The following EDIL3 variants were observed in gnomAD, a reference collection of about 807,000 sequenced individuals.
The protein encoded by EDIL3 is EGF-like repeat and discoidin I-like domain-containing protein 3.
A neutral mutation model predicts 67.4 loss-of-function variants in EDIL3; 37 were observed. That is an observed-to-expected ratio of 0.55 (90% CI 0.42 to 0.72). The LOEUF is 0.72. Ranked by LOEUF, EDIL3 falls within the 30% of genes least tolerant of loss-of-function variation. The probability of loss-of-function intolerance (pLI) is 0.00; values close to 1 mark genes in which losing one functional copy is unlikely to be tolerated. For synonymous variants in EDIL3, 195 were observed against 196.3 expected, an observed-to-expected ratio of 0.99 and a Z score of 0.05; for missense variants, 527 against 586.3, an observed-to-expected ratio of 0.90 and a Z score of 1.04.
chr5:84,290,817 T>C (rs1745899445), intron 1 of EDIL3, among the ~76,000 whole-genome samples: 1 of 152,148 alleles, frequency 6.6e-6, no homozygotes, highest in Non-Finnish European at 1.5e-5. Flanking sequence ...TTTTCTCCTA[T>C]TAATCTGCCT....
chr5:84,013,586 C>A (rs193181816), intron 9 of EDIL3, among the ~76,000 whole-genome samples: 3 of 152,202 alleles, frequency 2.0e-5, no homozygotes, highest in Admixed American at 6.5e-5. Flanking sequence ...TGTATTCATT[C>A]ATTCTATTGT....
intron 1 of EDIL3, among the ~76,000 whole-genome samples, chr5:84,346,135 CTTTTTTTT>C (rs912729041): frequency 2.4e-5 from 3 of 122,898 alleles, no homozygotes; most frequent in East Asian, 2.3e-4. Context: ...CTTTTTTTTT[CTTTTTTTT>C]TTTTTTTTTT....
chr5:84,058,333 AT>A (rs1432583717), intron 9 of EDIL3, among the ~76,000 whole-genome samples: 1 of 149,662 alleles, frequency 6.7e-6, no homozygotes, highest in Non-Finnish European at 1.5e-5. Context: ...AGAGAATCAT[AT>A]TTACCTTTTA....
At chr5:84,115,418 A>G (rs949337326) in intron 5 of EDIL3, among the ~76,000 whole-genome samples, 6 of 152,210 alleles carry the variant, frequency 3.9e-5, no homozygotes, top group Admixed American at 2.0e-4. Context: ...AAGCTAAACT[A>G]TAATAAAAAT....
intron 6 of EDIL3, among the ~76,000 whole-genome samples, chr5:84,079,763 AG>A (rs1005650005): frequency 2.0e-5 from 3 of 152,154 alleles, no homozygotes; most frequent in African/African-American, 7.2e-5. Flanking sequence ...ATGTCACTTA[AG>A]GGATTTAAAA....
chr5:84,213,117 G>A (rs1744161724), intron 3 of EDIL3, among the ~76,000 whole-genome samples: 1 of 151,574 alleles, frequency 6.6e-6, no homozygotes, highest in South Asian at 2.1e-4. Context: ...ACTTGCTTGA[G>A]CATTCTGGCT....
At chr5:83,950,693 GGCATAAACCTAATAA>G (rs1333867876) in intron 10 of EDIL3, among the ~76,000 whole-genome samples, 1 of 151,478 alleles carries the variant, frequency 6.6e-6, no homozygotes, top group Non-Finnish European at 1.5e-5. Context: ...TATTCTCATG[GGCATAAACCTAATAA>G]GCATATCAAA....
intron 5 of EDIL3, among the ~76,000 whole-genome samples, chr5:84,109,927 C>A (rs1747530046): frequency 6.6e-6 from 1 of 152,188 alleles, no homozygotes; most frequent in Admixed American, 6.5e-5. Flanking sequence ...GTGAAGAAGA[C>A]AAGATAATGA....
chr5:84,383,403 A>C (rs532741323), intron 1 of EDIL3, among the ~76,000 whole-genome samples: 10 of 151,992 alleles, frequency 6.6e-5, no homozygotes, highest in Middle Eastern at 3.4e-3. Context: ...CGCCTAAACT[A>C]CTCCAGCAGG....
At chr5:83,965,481 G>A (rs928459746) in intron 9 of EDIL3, among the ~76,000 whole-genome samples, 21 of 152,018 alleles carry the variant, frequency 1.4e-4, no homozygotes, top group African/African-American at 5.1e-4. Flanking sequence ...TTAAAGAACA[G>A]AGTTGGTGTT....
chr5:84,114,953 C>T (rs979169982), intron 5 of EDIL3, among the ~76,000 whole-genome samples: 14 of 152,118 alleles, frequency 9.2e-5, no homozygotes, highest in Admixed American at 4.6e-4. Flanking sequence ...CAGGTAGAGA[C>T]GATGCCTTTT....
chr5:84,291,432 T>C (rs1674664873), intron 1 of EDIL3, among the ~76,000 whole-genome samples: 1 of 151,960 alleles, frequency 6.6e-6, no homozygotes, highest in Admixed American at 6.6e-5. Flanking sequence ...TATATATCCT[T>C]TTAAAAAGGT....
At chr5:84,178,839 A>G (rs1305590984) in intron 4 of EDIL3, among the ~76,000 whole-genome samples, 1 of 152,168 alleles carries the variant, frequency 6.6e-6, no homozygotes, top group African/African-American at 2.4e-5. Flanking sequence ...TCCCACTGCA[A>G]TTCCTAACAT....
At chr5:84,114,595 T>C (rs1196268391) in intron 5 of EDIL3, among the ~76,000 whole-genome samples, 2 of 152,222 alleles carry the variant, frequency 1.3e-5, no homozygotes, top group East Asian at 1.9e-4. Flanking sequence ...AAACATTACA[T>C]ACAGTCACAG....
intron 3 of EDIL3, among the ~76,000 whole-genome samples, chr5:84,226,611 T>C (rs1306460490): frequency 6.6e-6 from 1 of 151,834 alleles, no homozygotes; most frequent in Non-Finnish European, 1.5e-5. Context: ...AAGGAAAACA[T>C]TTGTTTCCCA....
intron 9 of EDIL3, among the ~76,000 whole-genome samples, chr5:84,008,376 C>A (rs545936770): frequency 6.6e-6 from 1 of 151,994 alleles, no homozygotes; most frequent in Non-Finnish European, 1.5e-5. Context: ...ACATTGTATG[C>A]CTGTATCAAA....
At position 84,160,798 on chromosome 5, in the gene EDIL3, TCC is replaced by T. The variant is rs1561449410; in HGVS notation, c.355+19593_355+19594del. Reference sequence around the variant, plus strand: ...TCCTTTCCTTTCCTTTCCTTTCCTTTCCTTTCCTTTCCTTTCCTTTCCCTTTC... The same window carrying T: ...TCCTTTCCTTTCCTTTCCTTTCCTTTTTTCCTTTCCTTTCCTTTCCCTTTC... On this transcript the variant is annotated intron_variant, in intron 4 of 10. Transcript: ENST00000296591. Among the ~76,000 whole-genome samples the T allele has an allele frequency of 5.7e-3, 783 of 137,622 alleles. 22 individuals carry two copies. The highest frequency in any genetic ancestry group is 0.022 in the African/African-American group (750 of 34,574). The allele number at this position is 137,622 out of a possible 152,430, so 90.3% of individuals were successfully genotyped here. A position where few individuals can be genotyped will look rare whatever the true frequency, so the allele number is the denominator to read the frequency against.
At chr5:84,306,887 G>C (rs989225256) in intron 1 of EDIL3, among the ~76,000 whole-genome samples, 23 of 152,126 alleles carry the variant, frequency 1.5e-4, no homozygotes, top group African/African-American at 5.1e-4. Flanking sequence ...CAAGCATTTT[G>C]CCTCACTGGG....
chr5:83,959,199 A>G lies in EDIL3; in HGVS notation c.1293+4006T>C, dbSNP rs924426193. Among the ~76,000 whole-genome samples, 15 of 147,090 alleles carry G rather than the reference A, an allele frequency of 1.0e-4. 1 individual carries two copies. Among genetic ancestry groups the G allele is most frequent in the Middle Eastern group, 7.2e-3 (2 of 278 alleles). ...TACTCCTGTGTGTGTGTGGGTGTGT[A>G]TATATATATATACATTATATACATA... On this transcript the variant is annotated intron_variant, in intron 10 of 10. Coordinates refer to ENST00000296591, the MANE Select transcript of EDIL3 (RefSeq NM_005711.5).
Sources: allele counts gnomAD v4.1 joint callset (sites outside exome capture counted in the v4.1 genomes callset), GRCh38; gene constraint gnomAD v4.1.1; transcripts MANE v1.5; gene names NCBI Gene and HGNC (gene_info 2026-07-23, HGNC 2026-07-21).